PPP2R2A: variants seen among roughly 807,000 people sequenced by gnomAD.
The protein encoded by PPP2R2A is serine/threonine-protein phosphatase 2A 55 kDa regulatory subunit B alpha isoform.
A neutral mutation model predicts 53.2 loss-of-function variants in PPP2R2A; 9 were observed. The observed-to-expected ratio is 0.17, with a 90% CI of 0.10 to 0.30. The LOEUF is 0.30. Among genes scored for constraint, PPP2R2A ranks in the 10% least tolerant of loss-of-function variants. The pLI is 1.00. For missense variants in PPP2R2A, 235 were observed against 534.6 expected, an observed-to-expected ratio of 0.44 and a Z score of 5.53; for synonymous variants, 169 against 174.2, an observed-to-expected ratio of 0.97 and a Z score of 0.23.
chr8:26,292,766 A>G (rs1801361831), intron 1 of PPP2R2A, among the ~76,000 whole-genome samples: 3 of 152,166 alleles, frequency 2.0e-5, no homozygotes, highest in South Asian at 2.1e-4. Context: ...TCAGTTGCAG[A>G]TTTAGATTCA....
chr8:26,342,919 C>T (rs1369098834), intron 3 of PPP2R2A, among the ~76,000 whole-genome samples: 2 of 152,100 alleles, frequency 1.3e-5, no homozygotes, highest in African/African-American at 4.8e-5. Context: ...GGGTTGGGGG[C>T]CGTGGCTGAT....
chr8:26,350,358 C>T (rs1280806679), intron 3 of PPP2R2A, among the ~76,000 whole-genome samples: 1 of 152,046 alleles, frequency 6.6e-6, no homozygotes, highest in African/African-American at 2.4e-5. Flanking sequence ...ACATCACGTC[C>T]GGCCTTGTAC....
chr8:26,316,253 C>T (rs1802551282), intron 2 of PPP2R2A, among the ~76,000 whole-genome samples: 1 of 152,196 alleles, frequency 6.6e-6, no homozygotes, highest in Non-Finnish European at 1.5e-5. Context: ...GGTGATCCAC[C>T]TGCCTCAGCC....
intron 2 of PPP2R2A, among the ~76,000 whole-genome samples, chr8:26,315,356 G>A (rs185892529): frequency 1.8e-3 from 270 of 152,268 alleles, no homozygotes; most frequent in Non-Finnish European, 3.3e-3. Flanking sequence ...ATCTCAGTGG[G>A]AGGTGGGTAA....
At chr8:26,300,052 G>T (rs990585065) in intron 2 of PPP2R2A, among the ~76,000 whole-genome samples, 1 of 152,104 alleles carries the variant, frequency 6.6e-6, no homozygotes, top group African/African-American at 2.4e-5. Context: ...TACCATGAAT[G>T]ATAGTATCTG....
chr8:26,359,365 T>C (rs1046713828), intron 4 of PPP2R2A, among the ~76,000 whole-genome samples: 1 of 152,166 alleles, frequency 6.6e-6, no homozygotes, highest in East Asian at 1.9e-4. Flanking sequence ...AATAGTAATA[T>C]ACAAAGTCGA....
chr8:26,336,460 T>G (rs1206280196), intron 2 of PPP2R2A, among the ~76,000 whole-genome samples: 1 of 151,988 alleles, frequency 6.6e-6, no homozygotes, highest in Non-Finnish European at 1.5e-5. Context: ...GAATGTGCCT[T>G]CCCACCCCAC....
rs12550447 is a variant in PPP2R2A, at chr8:26,345,611, T to G, written c.180+6624T>G. 3.7e-3 allele frequency among the ~76,000 whole-genome samples: 568 copies of G among 152,324 alleles called. 12 individuals are homozygous for G. Among genetic ancestry groups the G allele is most frequent in the Admixed American group, 0.026 (400 of 15,304 alleles). On this transcript the variant is annotated intron_variant, in intron 3 of 9. Coordinates refer to ENST00000380737, the MANE Select transcript of PPP2R2A (RefSeq NM_002717.4). ...GTAATGACATGACATGACATAATTA[T>G]GTTTATTTGATCTAGTCTCTATTGT...
intron 2 of PPP2R2A, among the ~76,000 whole-genome samples, chr8:26,322,466 C>G (rs1330900149): frequency 6.6e-6 from 1 of 151,932 alleles, no homozygotes; most frequent in Non-Finnish European, 1.5e-5. Flanking sequence ...CCAGAGAACT[C>G]TGAGGAAAAA....
intron 2 of PPP2R2A, among the ~76,000 whole-genome samples, chr8:26,331,101 G>A (rs1030951381): frequency 2.6e-5 from 4 of 152,104 alleles, no homozygotes; most frequent in Non-Finnish European, 5.9e-5. Context: ...GCCGCCTATA[G>A]ATACCTTTTT....
In PPP2R2A at chr8:26,327,540, C is replaced by T. The variant is rs981709381; in HGVS notation, c.83-11350C>T. On this transcript the variant is annotated intron_variant, in intron 2 of 9. Coordinates refer to ENST00000380737, the MANE Select transcript of PPP2R2A (RefSeq NM_002717.4). ...ACGTTCTTAAATCCTGAATATCACA[C>T]ATTTCTGGGAGGAATGTCCTGCCCT... is the stretch of plus-strand genomic sequence containing the variant. 2.0e-5 allele frequency among the ~76,000 whole-genome samples: 3 copies of T among 152,304 alleles called. No homozygotes were observed. In the South Asian group the frequency reaches 6.2e-4, roughly 32 times the overall value.
At chr8:26,320,287 T>C (rs890151748) in intron 2 of PPP2R2A, among the ~76,000 whole-genome samples, 1 of 152,242 alleles carries the variant, frequency 6.6e-6, no homozygotes, top group Admixed American at 6.5e-5. Context: ...TGGCAAACTC[T>C]ACATGTTGTA....
intron 2 of PPP2R2A, among the ~76,000 whole-genome samples, chr8:26,333,197 A>T (rs891221072): frequency 6.6e-6 from 1 of 152,252 alleles, no homozygotes; most frequent in Non-Finnish European, 1.5e-5. Flanking sequence ...GTAAAGGGCC[A>T]GATAGTAAAT....
chr8:26,362,086 AATTAG>A lies in PPP2R2A; in HGVS notation c.638-586_638-582del, dbSNP rs566542341. On this transcript the variant is annotated intron_variant, in intron 6 of 9. Coordinates refer to ENST00000380737, the MANE Select transcript of PPP2R2A (RefSeq NM_002717.4). The surrounding 1 kb of genome is among the most constrained non-coding windows in gnomAD (Gnocchi z 4.4). ...ATTTTAAGATTAGAAAAAGATTAAT[AATTAG>A]ATTAGATTAGAAAAAGATTAGAAAA... Among the ~76,000 whole-genome samples, 92 of 149,454 alleles carry A rather than the reference AATTAG, an allele frequency of 6.2e-4. No homozygotes were observed. The highest frequency in any genetic ancestry group is 9.8e-4 in the Non-Finnish European group (66 of 67,572).
intron 1 of PPP2R2A, 98 bp downstream of exon 1, chr8:26,291,924 C>T: frequency 3.3e-6 from 5 of 1,499,772 alleles, no homozygotes; most frequent in Non-Finnish European, 3.6e-6. Flanking sequence ...CGCAGAGCCA[C>T]AGGGCGCCCC....
rs912381714 is a variant in PPP2R2A at position 26,321,752 on chromosome 8, G to A, written c.83-17138G>A. Among the ~76,000 whole-genome samples, 1 of 152,188 alleles carries A rather than the reference G, an allele frequency of 6.6e-6. No homozygotes were observed. Among genetic ancestry groups the A allele is most frequent in the Admixed American group, 6.5e-5 (1 of 15,286 alleles). Reference sequence around the variant, plus strand: ...TGCAACTTTGTGAGAGACCTTGAACGCAAGGCCCCCTGGCTAAGTCACACC... The same window carrying A: ...TGCAACTTTGTGAGAGACCTTGAACACAAGGCCCCCTGGCTAAGTCACACC... On this transcript the variant is annotated intron_variant, in intron 2 of 9. Transcript: ENST00000380737. The surrounding 1 kb of genome is among the most constrained non-coding windows in gnomAD (Gnocchi z 4.1).
intron 2 of PPP2R2A, among the ~76,000 whole-genome samples, chr8:26,310,558 T>A (rs908206671): frequency 1.3e-5 from 2 of 152,060 alleles, no homozygotes; most frequent in Non-Finnish European, 1.5e-5. Flanking sequence ...TTGTTTATAA[T>A]GTTTGCTATT....
chr8:26,317,995 C>A (rs1802644806), intron 2 of PPP2R2A, among the ~76,000 whole-genome samples: 1 of 152,184 alleles, frequency 6.6e-6, no homozygotes, highest in Non-Finnish European at 1.5e-5. Flanking sequence ...AAATTTTATT[C>A]ATAACCTATT....
chr8:26,339,714 A>G (rs1211131471), intron 3 of PPP2R2A, among the ~76,000 whole-genome samples: 1 of 152,116 alleles, frequency 6.6e-6, no homozygotes, highest in Admixed American at 6.5e-5. Flanking sequence ...AACCATTAAA[A>G]TCAGTTGTTT....
Sources: gnomAD v4.1 joint callset for allele counts (sites outside exome capture counted in the v4.1 genomes callset) on GRCh38, gnomAD v4.1.1 for gene constraint, Gnocchi (gnomAD v3.1) non-coding constraint, MANE v1.5 for transcripts, NCBI Gene and HGNC (gene_info 2026-07-23, HGNC 2026-07-21) for gene names.